Variants in MEI4 observed in about 807,000 individuals in gnomAD.
MEI4 encodes meiosis-specific protein MEI4.
In MEI4, 27 loss-of-function variants were observed where a neutral mutation model predicts 31.4. The observed-to-expected ratio is 0.86, with a 90% CI of 0.63 to 1.19. The LOEUF (loss-of-function observed/expected upper bound fraction) is 1.19, where lower values mean the gene tolerates loss of function less well. Ranked by LOEUF, MEI4 falls within the 50% of genes most tolerant of loss-of-function variation. MEI4 has a pLI of 0.00. For missense variants in MEI4, 329 were observed against 398.9 expected (o/e 0.82, Z 1.49); for synonymous variants, 122 against 145.4 (o/e 0.84, Z 1.16).
At chr6:77,778,044 T>A (rs895028156) in intron 3 of MEI4, among the ~76,000 whole-genome samples, 1 of 151,652 alleles carries the variant, frequency 6.6e-6, no homozygotes, top group African/African-American at 2.4e-5. Flanking sequence ...TTTACATGGC[T>A]TGGCTGTGTG....
intron 2 of MEI4, among the ~76,000 whole-genome samples, chr6:77,707,931 T>C (rs1766367776): frequency 6.6e-6 from 1 of 152,172 alleles, no homozygotes; most frequent in South Asian, 2.1e-4. Flanking sequence ...TTTCAAAGGA[T>C]GTGTAGGAAA....
rs12664974 is a variant in MEI4 at position 77,702,711 on chromosome 6, C to G, written c.232+11808C>G. ...TCAGATATAACCCAAAGGCCTTAAA[C>G]TGGACTACAGACTTTTCCAGAATTT... is the stretch of plus-strand genomic sequence containing the variant. On this transcript the variant is annotated intron_variant, in intron 2 of 4. Transcript: ENST00000684080. Among the ~76,000 whole-genome samples the G allele has an allele frequency of 0.023, 3,443 of 152,278 alleles. 325 individuals are homozygous for G. In the East Asian group the frequency reaches 0.31, roughly 14 times the overall value.
At chr6:77,788,975 G>C (rs1768834520) in intron 3 of MEI4, among the ~76,000 whole-genome samples, 1 of 152,110 alleles carries the variant, frequency 6.6e-6, no homozygotes. Context: ...AACAAAGCTG[G>C]AGGCATCACA....
At chr6:77,739,160 C>T (rs148031778) in intron 2 of MEI4, among the ~76,000 whole-genome samples, 1,565 of 152,184 alleles carry the variant, frequency 0.01, 28 homozygotes, top group African/African-American at 0.036. Flanking sequence ...TTGCCCATGC[C>T]TATATCCTGA....
At chr6:77,703,115 T>G (rs909234622) in intron 2 of MEI4, among the ~76,000 whole-genome samples, 19 of 152,324 alleles carry the variant, frequency 1.2e-4, no homozygotes, top group Admixed American at 2.6e-4. Flanking sequence ...CCCACTGTAT[T>G]TCTATAGTTA....
At chr6:77,744,365 A>G (rs1181207085) in intron 2 of MEI4, among the ~76,000 whole-genome samples, 2 of 152,180 alleles carry the variant, frequency 1.3e-5, no homozygotes, top group African/African-American at 2.4e-5. Context: ...AAGAAAGGGT[A>G]TCAGTGATGG....
chr6:77,917,962 A>G (rs1405750219), intron 4 of MEI4, among the ~76,000 whole-genome samples: 1 of 151,232 alleles, frequency 6.6e-6, no homozygotes, highest in Non-Finnish European at 1.5e-5. Flanking sequence ...TAAGGAAGGG[A>G]TCCAGTTTCA....
rs1766825304 is a variant in MEI4, at chr6:77,925,691, A to T, written c.*2345A>T. 6.6e-6 allele frequency: 1 copy of T among 150,938 alleles called. No individual in the cohort carries two copies. The highest frequency in any genetic ancestry group is 6.6e-5 in the Admixed American group (1 of 15,040). The allele number at this position is 150,938 out of a possible 1,614,324, so 9.3% of individuals were successfully genotyped here. On this transcript the variant is annotated 3_prime_UTR_variant, in exon 5 of 5. Transcript: ENST00000684080. ...AAATAAAGAGAACCATAGAATGATCATAAAAATGAAGCAAATAAAAAGTGA... is the reference window on the plus strand; with the variant it reads ...AAATAAAGAGAACCATAGAATGATCTTAAAAATGAAGCAAATAAAAAGTGA...
chr6:77,873,194 G>C (rs1393520750), intron 4 of MEI4, among the ~76,000 whole-genome samples: 3 of 152,162 alleles, frequency 2.0e-5, no homozygotes, highest in Non-Finnish European at 4.4e-5. Context: ...TTCCACAATG[G>C]TTGAACTAGT....
At chr6:77,727,997 A>C (rs1766869750) in intron 2 of MEI4, among the ~76,000 whole-genome samples, 1 of 152,192 alleles carries the variant, frequency 6.6e-6, no homozygotes, top group Non-Finnish European at 1.5e-5. Context: ...CTGTAATTGT[A>C]AGATTTATAA....
chr6:77,882,456 C>G (rs1030915689), intron 4 of MEI4, among the ~76,000 whole-genome samples: 2 of 152,200 alleles, frequency 1.3e-5, no homozygotes, highest in Non-Finnish European at 2.9e-5. Context: ...TTCTTTCCCA[C>G]TCTGAAAGGC....
intron 2 of MEI4, among the ~76,000 whole-genome samples, chr6:77,693,644 T>C (rs1769201442): frequency 6.6e-6 from 1 of 151,712 alleles, no homozygotes; most frequent in Admixed American, 6.6e-5. Context: ...ACTTCAAAAA[T>C]GAGGAATAAA....
chr6:77,747,312 C>T (rs1767637851), intron 2 of MEI4, among the ~76,000 whole-genome samples: 1 of 151,730 alleles, frequency 6.6e-6, no homozygotes, highest in South Asian at 2.1e-4. Flanking sequence ...ACTCAAGACT[C>T]CATCTAAAAA....
intron 1 of MEI4, among the ~76,000 whole-genome samples, chr6:77,679,997 C>T (rs989333614): frequency 2.0e-5 from 3 of 151,338 alleles, no homozygotes; most frequent in African/African-American, 4.9e-5. Context: ...CCTTGGCCTC[C>T]CAAAGTGCTG....
intron 4 of MEI4, among the ~76,000 whole-genome samples, chr6:77,877,547 A>G (rs1562022835): frequency 6.6e-6 from 1 of 152,030 alleles, no homozygotes; most frequent in Non-Finnish European, 1.5e-5. Flanking sequence ...ATACGTATCT[A>G]TGTAGATGGC....
intron 3 of MEI4, among the ~76,000 whole-genome samples, chr6:77,804,648 C>T (rs549002265): frequency 6.6e-6 from 1 of 152,260 alleles, no homozygotes; most frequent in East Asian, 1.9e-4. Context: ...AGTTCACATC[C>T]CTTTCTCTGT....
intron 4 of MEI4, among the ~76,000 whole-genome samples, chr6:77,919,594 A>G (rs1463054852): frequency 1.3e-4 from 19 of 151,922 alleles, no homozygotes; most frequent in African/African-American, 4.1e-4. Context: ...AAGAACTACA[A>G]AAGCAAGAGC....
intron 1 of MEI4, among the ~76,000 whole-genome samples, chr6:77,653,611 A>T (rs1265179516): frequency 6.6e-6 from 1 of 152,090 alleles, no homozygotes; most frequent in Non-Finnish European, 1.5e-5. Context: ...GCCTAAAATC[A>T]CTCCTGTCAA....
chr6:77,690,043 A>T (rs1401138398), intron 1 of MEI4, among the ~76,000 whole-genome samples: 2 of 152,004 alleles, frequency 1.3e-5, no homozygotes, highest in African/African-American at 4.8e-5. Flanking sequence ...GACGATTGGA[A>T]ATCTTTGGAA....
Sources: gnomAD v4.1 joint callset for allele counts (sites outside exome capture counted in the v4.1 genomes callset) on GRCh38, gnomAD v4.1.1 for gene constraint, MANE v1.5 for transcripts, NCBI Gene and HGNC (gene_info 2026-07-23, HGNC 2026-07-21) for gene names.